The following SLC9C2 variants were observed in gnomAD, a reference collection of about 807,000 sequenced individuals.
The protein encoded by SLC9C2 is solute carrier family 9 member C2 (putative), also known as sodium/hydrogen exchanger 11.
Under a neutral mutation model 140.2 loss-of-function variants are expected in SLC9C2, and 75 were observed. The observed-to-expected ratio is 0.53, with a 90% CI of 0.44 to 0.65. SLC9C2 has a LOEUF of 0.65. SLC9C2 is among the 30% of genes least tolerant of loss of function. The pLI is 0.00. For synonymous variants in SLC9C2, 375 were observed against 420.9 expected (o/e 0.89, Z 1.34); for missense variants, 1,074 against 1,331.8 (o/e 0.81, Z 3.01).
At chr1:173,503,622 C>T (rs1659431657) in intron 26 of SLC9C2, among the ~76,000 whole-genome samples, 1 of 152,108 alleles carries the variant, frequency 6.6e-6, no homozygotes, top group Non-Finnish European at 1.5e-5. Context: ...AGCATCTGCT[C>T]CCTCTATAGA....
intron 12 of SLC9C2, 126 bp downstream of exon 12, chr1:173,548,263 G>A (rs1662997675): frequency 2.1e-6 from 2 of 953,620 alleles, no homozygotes; most frequent in African/African-American, 3.4e-5. Flanking sequence ...AGCAAAGCCA[G>A]TAACTATCTC....
chr1:173,510,548 A>G (rs1045979670), intron 23 of SLC9C2, among the ~76,000 whole-genome samples: 4 of 151,976 alleles, frequency 2.6e-5, no homozygotes, highest in African/African-American at 7.3e-5. Context: ...ATGTGTTCTC[A>G]TTGTTCAACT....
At chr1:173,595,428 C>G (rs764675635) in intron 4 of SLC9C2, among the ~76,000 whole-genome samples, 6 of 152,056 alleles carry the variant, frequency 3.9e-5, no homozygotes, top group Non-Finnish European at 7.4e-5. Context: ...TTTCTAGAAG[C>G]CTATTCAGCA....
Position 173,535,519 on chromosome 1 carries a change from AC to A in SLC9C2, c.1775+310del, listed in dbSNP as rs541590877. Among the ~76,000 whole-genome samples, 159 of 152,190 alleles carry A rather than the reference AC, an allele frequency of 1.0e-3. 1 individual carries two copies. The highest frequency in any genetic ancestry group is 3.5e-3 in the African/African-American group (146 of 41,540). ...CTAGTCTACCAGTTAGCTATTTCTCACCCCTGCTCTATGTTATATCCAGAAG... is the reference window on the plus strand; with the variant it reads ...CTAGTCTACCAGTTAGCTATTTCTCACCCTGCTCTATGTTATATCCAGAAG... On this transcript the variant is annotated intron_variant, in intron 15 of 27. Transcript: ENST00000367714.
At chr1:173,506,735 C>T in intron 25 of SLC9C2, 121 bp downstream of exon 25, 1 of 773,946 alleles carries the variant, frequency 1.3e-6, no homozygotes, top group Non-Finnish European at 2.0e-6. Context: ...TTGTAAAAGG[C>T]AAGTAAGAAC....
intron 21 of SLC9C2, among the ~76,000 whole-genome samples, chr1:173,523,299 G>T (rs185791353): frequency 2.4e-4 from 37 of 151,546 alleles, no homozygotes; most frequent in African/African-American, 8.0e-4. Flanking sequence ...TTGAACCCGG[G>T]AGGCGGAGGT....
At position 173,511,029 on chromosome 1, in the gene SLC9C2, CTTTTTTTTTT is replaced by C. The variant is rs71111066; in HGVS notation, c.2908-1340_2908-1331del. Among the ~76,000 whole-genome samples, 12 of 86,738 alleles carry C rather than the reference CTTTTTTTTTT, an allele frequency of 1.4e-4. No homozygotes were observed. The Admixed American group carries it at 1.7e-3, about 12-fold the overall frequency. 56.9% of individuals were successfully genotyped at this position (86,738 alleles called of 152,430 possible). On this transcript the variant is annotated intron_variant, in intron 23 of 27. Coordinates refer to ENST00000367714, the MANE Select transcript of SLC9C2 (RefSeq NM_178527.4). The stretch of plus-strand genomic sequence containing the variant: ...CCTGGATTTTTTTTCCTTTCTTTTC[CTTTTTTTTTT>C]TTTTTTTTTTTTTTGAGACAGAGTC...
intron 4 of SLC9C2, 49 bp downstream of exon 4, chr1:173,597,855 A>G: frequency 6.6e-7 from 1 of 1,510,748 alleles, no homozygotes; most frequent in Non-Finnish European, 8.9e-7. Context: ...TTCTCTATCA[A>G]CGTGCATAAG....
At chr1:173,579,048 A>T (rs1665361568) in intron 7 of SLC9C2, among the ~76,000 whole-genome samples, 1 of 152,200 alleles carries the variant, frequency 6.6e-6, no homozygotes, top group Admixed American at 6.5e-5. Context: ...TGTTGGTTGA[A>T]ATCAGTATAT....
intron 4 of SLC9C2, among the ~76,000 whole-genome samples, chr1:173,591,239 C>G (rs1220135805): frequency 2.0e-5 from 3 of 152,150 alleles, no homozygotes; most frequent in African/African-American, 7.2e-5. Context: ...CACAGTATTC[C>G]ATGGCAAATA....
rs1656383624 is a variant in SLC9C2, at chr1:173,554,600, TATGAATAA to T, written c.1297+125_1297+132del. The T allele has an allele frequency of 4.0e-5, 27 of 667,698 alleles. No individual in the cohort carries two copies. The South Asian group carries it at 5.2e-4, about 13-fold the overall frequency. 41.4% of individuals were successfully genotyped at this position (667,698 alleles called of 1,614,324 possible). A position where few individuals can be genotyped will look rare whatever the true frequency, so the allele number is the denominator to read the frequency against. The stretch of plus-strand genomic sequence containing the variant: ...TCCCAAGTAATACAGCATCTAAATA[TATGAATAA>T]ATGAAAAATGAATAATTTCTAAACC... On this transcript the variant is annotated intron_variant, in intron 11 of 27. Transcript: ENST00000367714.
At chr1:173,593,483 G>T (rs181579357) in intron 4 of SLC9C2, among the ~76,000 whole-genome samples, 1 of 152,288 alleles carries the variant, frequency 6.6e-6, no homozygotes, top group African/African-American at 2.4e-5. Flanking sequence ...TTGTGCCACT[G>T]CACTCTAGCC....
At chr1:173,601,293 T>C (rs889982298) in intron 2 of SLC9C2, among the ~76,000 whole-genome samples, 17 of 152,194 alleles carry the variant, frequency 1.1e-4, no homozygotes, top group African/African-American at 3.9e-4. Flanking sequence ...AGGCAGGCAG[T>C]GTACAGCTCT....
intron 18 of SLC9C2, among the ~76,000 whole-genome samples, chr1:173,528,895 A>G (rs1661383634): frequency 1.3e-5 from 2 of 152,226 alleles, no homozygotes; most frequent in African/African-American, 4.8e-5. Context: ...CAAAAACAGA[A>G]TGAAATATAG....
rs958439799 is a variant in SLC9C2 at position 173,516,016 on chromosome 1, C to T, written c.2907+1521G>A. On this transcript the variant is annotated intron_variant, in intron 23 of 27. Transcript: ENST00000367714. ...GATGTCACTCGAGGAGGCTGGAGAA[C>T]AGCAAAGATAGGTGCCTGCTCCTTC... Among the ~76,000 whole-genome samples, 5 of 152,170 alleles carry T rather than the reference C, an allele frequency of 3.3e-5. No individual in the cohort carries two copies. The East Asian group carries it at 5.8e-4, about 18-fold the overall frequency.
chr1:173,595,888 C>G (rs1666424085), intron 4 of SLC9C2, among the ~76,000 whole-genome samples: 1 of 152,096 alleles, frequency 6.6e-6, no homozygotes, highest in African/African-American at 2.4e-5. Context: ...AGAAACAAAA[C>G]AGATACATCA....
chr1:173,531,169 G>T (rs921482858), intron 17 of SLC9C2, among the ~76,000 whole-genome samples: 2 of 152,126 alleles, frequency 1.3e-5, no homozygotes, highest in African/African-American at 2.4e-5. Flanking sequence ...AATTAAACCA[G>T]ATAATTTATG....
intron 25 of SLC9C2, among the ~76,000 whole-genome samples, chr1:173,506,566 C>T (rs1187296461): frequency 2.0e-5 from 3 of 152,228 alleles, no homozygotes; most frequent in Non-Finnish European, 4.4e-5. Flanking sequence ...CTAGGGAAAA[C>T]TTACAGCATC....
chr1:173,523,389 G>T (rs1660966685), intron 21 of SLC9C2, among the ~76,000 whole-genome samples: 1 of 151,884 alleles, frequency 6.6e-6, no homozygotes, highest in Admixed American at 6.6e-5. Context: ...TAAATAAAAA[G>T]AATAAAATAA....
Sources: allele counts gnomAD v4.1 joint callset (sites outside exome capture counted in the v4.1 genomes callset), GRCh38; gene constraint gnomAD v4.1.1; transcripts MANE v1.5; gene names NCBI Gene and HGNC (gene_info 2026-07-23, HGNC 2026-07-21).